Variants in CSMD2 observed in about 807,000 individuals in gnomAD.
CSMD2 encodes CUB and sushi domain-containing protein 2.
In CSMD2, 130 loss-of-function variants were observed where a neutral mutation model predicts 398.5. The ratio of observed to expected loss-of-function variants is 0.33; its 90% CI spans 0.28 to 0.38. The LOEUF is 0.38. Among genes scored for constraint, CSMD2 ranks in the 10% least tolerant of loss-of-function variants. CSMD2 has a pLI of 1.00. For missense variants in CSMD2, 3,829 were observed against 4,764.9 expected (o/e 0.80, Z 5.78); for synonymous variants, 1,828 against 1,908.5 (o/e 0.96, Z 1.10).
intron 5 of CSMD2, chr1:33,873,900 ACT>A (rs1465467771): frequency 2.6e-5 from 4 of 151,794 alleles, no homozygotes; most frequent in African/African-American, 9.7e-5. Flanking sequence ...GAAACATTAC[ACT>A]CTCTCCTCCC....
chr1:34,018,216 A>C (rs1648405302), intron 3 of CSMD2, among the ~76,000 whole-genome samples: 1 of 152,210 alleles, frequency 6.6e-6, no homozygotes, highest in Non-Finnish European at 1.5e-5. Flanking sequence ...TGTATTGCCA[A>C]ATAATGCTAT....
At chr1:33,601,882 C>T (rs1015512164) in intron 43 of CSMD2, among the ~76,000 whole-genome samples, 5 of 152,216 alleles carry the variant, frequency 3.3e-5, no homozygotes, top group East Asian at 3.8e-4. Flanking sequence ...TAGCCAGTGG[C>T]TACCATATTG....
intron 6 of CSMD2, among the ~76,000 whole-genome samples, chr1:33,835,866 CAA>C (rs1213097520): frequency 6.6e-6 from 1 of 152,100 alleles, no homozygotes; most frequent in Non-Finnish European, 1.5e-5. Flanking sequence ...CTTAACTCGT[CAA>C]AGTCATTCTC....
chr1:33,917,847 C>T (rs1439007010), intron 5 of CSMD2, among the ~76,000 whole-genome samples: 2 of 152,152 alleles, frequency 1.3e-5, no homozygotes, highest in African/African-American at 4.8e-5. Flanking sequence ...AACCAAGACC[C>T]ATCATAAAAA....
chr1:33,656,147 G>T (rs1440554309), intron 27 of CSMD2, among the ~76,000 whole-genome samples: 1 of 152,084 alleles, frequency 6.6e-6, no homozygotes, highest in African/African-American at 2.4e-5. Context: ...AGGGAAGGAT[G>T]AAAAGAAGGA....
At chr1:33,552,427 A>T (rs1178342016) in intron 55 of CSMD2, among the ~76,000 whole-genome samples, 2 of 152,238 alleles carry the variant, frequency 1.3e-5, no homozygotes, top group Non-Finnish European at 2.9e-5. Flanking sequence ...AGAATTGACA[A>T]CGTGTTCACA....
At chr1:34,076,211 C>G (rs1656308468) in intron 2 of CSMD2, among the ~76,000 whole-genome samples, 1 of 152,146 alleles carries the variant, frequency 6.6e-6, no homozygotes, top group South Asian at 2.1e-4. Context: ...GGTGAAGCTG[C>G]CAGTACATAG....
chr1:33,813,936 GC>G (rs1214742539), intron 9 of CSMD2: 2 of 152,584 alleles, frequency 1.3e-5, no homozygotes, highest in African/African-American at 2.4e-5. Context: ...CCTGACTGAA[GC>G]CCATCTTCCC....
At chr1:33,686,068 A>G (rs1404207718) in intron 25 of CSMD2, among the ~76,000 whole-genome samples, 1 of 152,208 alleles carries the variant, frequency 6.6e-6, no homozygotes, top group Non-Finnish European at 1.5e-5. Flanking sequence ...AAGGTCATTC[A>G]TTCTTTCTGG....
chr1:34,067,568 G>T (rs78467659), intron 2 of CSMD2, among the ~76,000 whole-genome samples: 1 of 152,152 alleles, frequency 6.6e-6, no homozygotes, highest in Non-Finnish European at 1.5e-5. Context: ...CCATGAGCCA[G>T]TAGCACCAGC....
rs150501529 is a variant in CSMD2 at position 34,145,711 on chromosome 1, C to T, written c.187+19200G>A. Among the ~76,000 whole-genome samples, 55 of 152,214 alleles carry T rather than the reference C, an allele frequency of 3.6e-4. No homozygotes were observed. In the South Asian group the frequency reaches 3.9e-3, roughly 11 times the overall value. On this transcript the variant is annotated intron_variant, in intron 1 of 70. Transcript: ENST00000373381. ...AACAAAGTTAGGTTGTGTCGAGGAA[C>T]GGGGAGGCATTTAGGAGTCTTTTCC... is the stretch of plus-strand genomic sequence containing the variant.
chr1:34,092,698 G>T (rs1009406015), intron 1 of CSMD2, among the ~76,000 whole-genome samples: 1 of 150,826 alleles, frequency 6.6e-6, no homozygotes. Flanking sequence ...GCGCTTTTCC[G>T]ACGGGCTTAA....
chr1:34,012,042 T>C (rs1176727064), intron 3 of CSMD2, among the ~76,000 whole-genome samples: 1 of 152,188 alleles, frequency 6.6e-6, no homozygotes. Context: ...CGTTTCCTCA[T>C]CTGAAAAACT....
chr1:33,669,481 C>A (rs139077270), intron 25 of CSMD2, among the ~76,000 whole-genome samples: 5 of 152,188 alleles, frequency 3.3e-5, no homozygotes, highest in African/African-American at 1.2e-4. Context: ...GTCAGACTTC[C>A]GAGGGGACAC....
chr1:33,742,592 A>AC (rs1647116190), intron 14 of CSMD2, among the ~76,000 whole-genome samples: 2 of 51,212 alleles, frequency 3.9e-5, no homozygotes, highest in African/African-American at 2.0e-4. Flanking sequence ...CCCCCCCCCA[A>AC]CCCCCTCTGT....
rs1033534096 is a variant in CSMD2 at position 33,720,893 on chromosome 1, G to A, written c.3001+3304C>T. On this transcript the variant is annotated intron_variant, in intron 19 of 70. Transcript: ENST00000373381. ...TTTTTGTATTTTTAGTAGACACGGG[G>A]TTTCTCCATGTTGGTCAGGCTGGCC... is the stretch of plus-strand genomic sequence containing the variant. Among the ~76,000 whole-genome samples the A allele has an allele frequency of 6.6e-5, 10 of 152,206 alleles. No homozygotes were observed. The South Asian group carries it at 1.9e-3, about 28-fold the overall frequency.
chr1:33,600,446 A>C, intron 44 of CSMD2: 1 of 547,852 alleles, frequency 1.8e-6, no homozygotes, highest in Non-Finnish European at 3.2e-6. Context: ...AAATCACAAT[A>C]TCTTCATTTG....
intron 12 of CSMD2, among the ~76,000 whole-genome samples, chr1:33,785,186 C>T (rs76581223): frequency 1.8e-4 from 27 of 152,310 alleles, no homozygotes; most frequent in African/African-American, 6.0e-4. Context: ...CAGCACCCAG[C>T]AAAATGTTGG....
chr1:33,936,553 T>C (rs1488649093), intron 3 of CSMD2, among the ~76,000 whole-genome samples: 1 of 151,958 alleles, frequency 6.6e-6, no homozygotes, highest in Non-Finnish European at 1.5e-5. Flanking sequence ...AGGGGGAAAA[T>C]TGGGAGCCAG....
Sources: allele counts gnomAD v4.1 joint callset (sites outside exome capture counted in the v4.1 genomes callset), GRCh38; gene constraint gnomAD v4.1.1; transcripts MANE v1.5; gene names NCBI Gene and HGNC (gene_info 2026-07-23, HGNC 2026-07-21).